SNX30: variants seen among roughly 807,000 people sequenced by gnomAD.
SNX30 encodes the protein sorting nexin-30.
SNX30 carries 24 observed loss-of-function variants against 46.4 expected under a neutral mutation model. The observed-to-expected ratio is 0.52, with a 90% CI of 0.37 to 0.73. The LOEUF (loss-of-function observed/expected upper bound fraction) is 0.73. Ranked by LOEUF, SNX30 falls within the 30% of genes least tolerant of loss-of-function variation. SNX30 has a pLI of 0.00. For synonymous variants in SNX30, 189 were observed against 211.5 expected (o/e 0.89, Z 0.92); for missense variants, 533 against 555.7 (o/e 0.96, Z 0.41).
At chr9:112,776,465 A>G (rs1839749688) in intron 1 of SNX30, among the ~76,000 whole-genome samples, 1 of 152,188 alleles carries the variant, frequency 6.6e-6, no homozygotes, top group African/African-American at 2.4e-5. Flanking sequence ...TTGGCCAAGG[A>G]CAAGAGCTGA....
chr9:112,834,877 CACACACCT>C (rs1010841635), intron 4 of SNX30, among the ~76,000 whole-genome samples: 1 of 82,724 alleles, frequency 1.2e-5, no homozygotes, highest in African/African-American at 3.1e-5. Context: ...CACACACACA[CACACACCT>C]ACCTCAATAG....
intron 3 of SNX30, among the ~76,000 whole-genome samples, chr9:112,828,724 A>AT (rs1840614758): frequency 6.6e-6 from 1 of 152,312 alleles, no homozygotes; most frequent in South Asian, 2.1e-4. Context: ...TGGTACTATT[A>AT]TTATGCTTTA....
chr9:112,791,876 A>C (rs969578507), intron 1 of SNX30, among the ~76,000 whole-genome samples: 4 of 152,200 alleles, frequency 2.6e-5, no homozygotes, highest in Admixed American at 6.5e-5. Flanking sequence ...TTATTAATGT[A>C]ATAAATTGTA....
intron 4 of SNX30, among the ~76,000 whole-genome samples, chr9:112,832,373 G>T (rs1172805686): frequency 6.6e-6 from 1 of 150,870 alleles, no homozygotes; most frequent in Non-Finnish European, 1.5e-5. Context: ...AAAAAGAAAA[G>T]GGAGGGAAAA....
chr9:112,873,115 A>T lies in SNX30; in HGVS notation c.*4272A>T, dbSNP rs1841472549. The T allele has an allele frequency of 2.0e-5, 3 of 152,148 alleles. No homozygotes were observed. The highest frequency in any genetic ancestry group is 1.3e-4 in the Admixed American group (2 of 15,274). 9.4% of individuals were successfully genotyped at this position (152,148 alleles called of 1,614,324 possible). A position where few individuals can be genotyped will look rare whatever the true frequency, so the allele number is the denominator to read the frequency against. On this transcript the variant is annotated 3_prime_UTR_variant, in exon 9 of 9. Coordinates refer to ENST00000374232, the MANE Select transcript of SNX30 (RefSeq NM_001012994.2). Reference sequence around the variant, plus strand: ...TGGGGGCTTTGTTGCAGGGGATTAGACTGTTCTTTCTTCATCATAATTTGA... The same window carrying T: ...TGGGGGCTTTGTTGCAGGGGATTAGTCTGTTCTTTCTTCATCATAATTTGA...
Position 112,853,398 on chromosome 9 carries a change from C to T in SNX30, c.1101+2453C>T, listed in dbSNP as rs111901149. Reference sequence around the variant, plus strand: ...GTCTGCCTATGGCCGGCCCCACTGACGAGTTCTGAGCTGGCCTGTGATCTT... The same window carrying T: ...GTCTGCCTATGGCCGGCCCCACTGATGAGTTCTGAGCTGGCCTGTGATCTT... On this transcript the variant is annotated intron_variant, in intron 7 of 8. Transcript: ENST00000374232. Among the ~76,000 whole-genome samples, 884 of 152,326 alleles carry T rather than the reference C, an allele frequency of 5.8e-3. 10 individuals carry two copies. The highest frequency in any genetic ancestry group is 0.02 in the African/African-American group (819 of 41,562).
intron 1 of SNX30, among the ~76,000 whole-genome samples, chr9:112,804,207 C>G (rs1840185186): frequency 6.6e-6 from 1 of 152,072 alleles, no homozygotes; most frequent in African/African-American, 2.4e-5. Flanking sequence ...TCTTGTTGCC[C>G]AGGTTGGAGT....
chr9:112,778,270 CTTTT>C (rs1001151120), intron 1 of SNX30, among the ~76,000 whole-genome samples: 1 of 123,338 alleles, frequency 8.1e-6, no homozygotes. Flanking sequence ...GGCCATATTC[CTTTT>C]TTTTTTTTTT....
intron 2 of SNX30, among the ~76,000 whole-genome samples, chr9:112,816,822 G>T (rs912868488): frequency 3.3e-5 from 5 of 152,180 alleles, no homozygotes; most frequent in Admixed American, 6.5e-5. Flanking sequence ...CATATAGTGT[G>T]TATCCTCATA....
At chr9:112,827,708 A>T (rs1360828708) in intron 3 of SNX30, among the ~76,000 whole-genome samples, 2 of 152,212 alleles carry the variant, frequency 1.3e-5, no homozygotes, top group East Asian at 1.9e-4. Flanking sequence ...TTATAATTTT[A>T]AAAAATCCTC....
At chr9:112,767,130 T>A (rs1447166296) in intron 1 of SNX30, among the ~76,000 whole-genome samples, 1 of 151,748 alleles carries the variant, frequency 6.6e-6, no homozygotes, top group Non-Finnish European at 1.5e-5. Flanking sequence ...TTTTATTTTT[T>A]TTTTTTGATA....
At chr9:112,833,426 A>G (rs1840700479) in intron 4 of SNX30, among the ~76,000 whole-genome samples, 2 of 152,208 alleles carry the variant, frequency 1.3e-5, no homozygotes, top group South Asian at 4.1e-4. Context: ...TGGGAGGCCA[A>G]AGCAGGTAGA....
rs1404004607 is a variant in SNX30 at position 112,873,816 on chromosome 9, A to C, written c.*4973A>C. The stretch of plus-strand genomic sequence containing the variant: ...TTGAAGATACTGGGGGGTATCTTCA[A>C]GCCTCAGAGCAGCTTGTTTCAGATA... On this transcript the variant is annotated 3_prime_UTR_variant, in exon 9 of 9. Coordinates refer to ENST00000374232, the MANE Select transcript of SNX30 (RefSeq NM_001012994.2). The C allele has an allele frequency of 6.6e-6, 1 of 152,226 alleles. No homozygotes were observed. The highest frequency in any genetic ancestry group is 6.5e-5 in the Admixed American group (1 of 15,288). 9.4% of individuals were successfully genotyped at this position (152,226 alleles called of 1,614,324 possible).
At chr9:112,830,232 G>C (rs1024289445) in intron 3 of SNX30, among the ~76,000 whole-genome samples, 3 of 151,988 alleles carry the variant, frequency 2.0e-5, no homozygotes, top group Admixed American at 6.5e-5. Flanking sequence ...GCCTATAAAA[G>C]GTATTTTTTT....
At chr9:112,866,640 T>C in intron 8 of SNX30, 1 of 439,476 alleles carries the variant, frequency 2.3e-6, no homozygotes, top group Non-Finnish European at 4.7e-6. Context: ...ATTTCACCAC[T>C]CTTCTTTCTG....
chr9:112,769,828 C>T (rs1839616772), intron 1 of SNX30, among the ~76,000 whole-genome samples: 1 of 152,160 alleles, frequency 6.6e-6, no homozygotes, highest in Non-Finnish European at 1.5e-5. Flanking sequence ...TTTAACCCTG[C>T]ATCTCCAACA....
At position 112,813,157 on chromosome 9, in the gene SNX30, C is replaced by A. The variant is rs922070074; in HGVS notation, c.349-4548C>A. Among the ~76,000 whole-genome samples the A allele has an allele frequency of 4.0e-5, 6 of 151,898 alleles. No individual in the cohort carries two copies. In the East Asian group the frequency reaches 5.8e-4, roughly 15 times the overall value. The stretch of plus-strand genomic sequence containing the variant: ...GAGTGAGACTCCATCTCAAAAAAAA[C>A]CCCCCAAAACAACAATGTCTTATAC... On this transcript the variant is annotated intron_variant, in intron 2 of 8. Transcript: ENST00000374232.
At chr9:112,882,232 A>T (rs977468305), downstream of SNX30, among the ~76,000 whole-genome samples, 1 of 152,100 alleles carries the variant, frequency 6.6e-6, no homozygotes, top group Non-Finnish European at 1.5e-5. Context: ...TCAGCCTCCC[A>T]ACTAGCTGGG....
intron 1 of SNX30, among the ~76,000 whole-genome samples, chr9:112,803,910 C>A (rs1272957571): frequency 8.6e-6 from 1 of 116,436 alleles, no homozygotes; most frequent in Admixed American, 9.2e-5. Context: ...CCAGGTGCAT[C>A]CGTCACCCCT....
Sources: gnomAD v4.1 joint callset for allele counts (sites outside exome capture counted in the v4.1 genomes callset) on GRCh38, gnomAD v4.1.1 for gene constraint, MANE v1.5 for transcripts, NCBI Gene and HGNC (gene_info 2026-07-23, HGNC 2026-07-21) for gene names.